Variants in THADA observed in about 807,000 individuals in gnomAD.
THADA encodes tRNA (32-2'-O)-methyltransferase regulator THADA.
THADA carries 213 observed loss-of-function variants against 219.8 expected under a neutral mutation model. The observed-to-expected ratio is 0.97, with a 90% confidence interval of 0.87 to 1.09. The LOEUF is 1.09. Ranked by LOEUF, THADA falls within the 50% of genes least tolerant of loss-of-function variation. THADA has a pLI of 0.00. For synonymous variants in THADA, 1,018 were observed against 828.9 expected, an observed-to-expected ratio of 1.23 and a Z score of -3.92; for missense variants, 2,956 against 2,311.3, an observed-to-expected ratio of 1.28 and a Z score of -5.72.
chr2:43,493,472 C>T (rs1029900580), intron 25 of THADA, among the ~76,000 whole-genome samples: 4 of 152,010 alleles, frequency 2.6e-5, no homozygotes, highest in Non-Finnish European at 4.4e-5. Flanking sequence ...TCCAGCCTGG[C>T]GACAGAGCAA....
In THADA at chr2:43,581,843, T is replaced by C; in HGVS notation, c.619A>G (p.Lys207Glu). The C allele has an allele frequency of 6.2e-7, 1 of 1,612,948 alleles. No homozygotes were observed. The highest frequency in any genetic ancestry group is 8.5e-7 in the Non-Finnish European group (1 of 1,179,642). ...GIRVSMMLVQ[K>E]VQDFQGNLWK... The stretch of plus-strand genomic sequence containing the variant: ...AGATTTCCCTGGAAATCTTGTACTT[T>C]CTGTACTAACATCATTGAAACTCTA... Residue 207 changes from lysine to glutamate, a missense_variant, in exon 8 of 38, where the codon AAA becomes GAA. Coordinates refer to ENST00000405975, the MANE Select transcript of THADA (RefSeq NM_022065.5).
chr2:43,346,238 T>C (rs1667612188), intron 29 of THADA, among the ~76,000 whole-genome samples: 1 of 152,092 alleles, frequency 6.6e-6, no homozygotes, highest in Admixed American at 6.5e-5. Context: ...CAGGTTAGTG[T>C]TTTTGAGATA....
At chr2:43,511,709 T>G (rs1211161345) in intron 22 of THADA, among the ~76,000 whole-genome samples, 1 of 152,140 alleles carries the variant, frequency 6.6e-6, no homozygotes, top group Non-Finnish European at 1.5e-5. Context: ...CACATATCCC[T>G]ATTCATCCAA....
At chr2:43,506,439 T>C (rs1474882398) in intron 23 of THADA, among the ~76,000 whole-genome samples, 1 of 152,196 alleles carries the variant, frequency 6.6e-6, no homozygotes, top group Non-Finnish European at 1.5e-5. Flanking sequence ...GGATGAACTC[T>C]GAAAACATTA....
At chr2:43,521,625 A>C (rs1692500979) in intron 22 of THADA, among the ~76,000 whole-genome samples, 1 of 152,172 alleles carries the variant, frequency 6.6e-6, no homozygotes, top group Non-Finnish European at 1.5e-5. Context: ...CCCCTACTAA[A>C]AGTAACAGAA....
At chr2:43,287,795 C>G (rs900834222) in intron 34 of THADA, among the ~76,000 whole-genome samples, 8 of 152,168 alleles carry the variant, frequency 5.3e-5, no homozygotes, top group African/African-American at 1.7e-4. Flanking sequence ...ACTACATGTC[C>G]CAGTCTCTCT....
At chr2:43,529,903 G>A (rs575102372) in intron 21 of THADA, among the ~76,000 whole-genome samples, 1 of 152,276 alleles carries the variant, frequency 6.6e-6, no homozygotes, top group East Asian at 1.9e-4. Context: ...GATAATACCA[G>A]TATTTAGGAC....
intron 21 of THADA, among the ~76,000 whole-genome samples, chr2:43,540,155 T>C (rs544687070): frequency 6.6e-6 from 1 of 152,214 alleles, no homozygotes; most frequent in Non-Finnish European, 1.5e-5. Flanking sequence ...GATGTTGGCA[T>C]TGGCACTACA....
chr2:43,549,709 T>G (rs1308734354), intron 19 of THADA, among the ~76,000 whole-genome samples: 1 of 151,878 alleles, frequency 6.6e-6, no homozygotes, highest in African/African-American at 2.4e-5. Flanking sequence ...TGCAATAAAC[T>G]TCAATAAATT....
intron 36 of THADA, among the ~76,000 whole-genome samples, chr2:43,236,994 C>G (rs1668103781): frequency 6.7e-6 from 1 of 150,124 alleles, no homozygotes; most frequent in Non-Finnish European, 1.5e-5. Context: ...ATGGCGTGAA[C>G]CCGGGAGGCG....
chr2:43,571,759 A>T lies in THADA; in HGVS notation c.2012T>A (p.Leu671His), dbSNP rs548205845. The change falls in exon 13 of 38, where the codon CTT (leucine) becomes CAT (histidine). Residue 671 changes from leucine (L) to histidine (H), a missense_variant. Leu to His is a moderately conservative substitution (Grantham distance 99, BLOSUM62 -3). Coordinates refer to ENST00000405975, the MANE Select transcript of THADA (RefSeq NM_022065.5). ...CCGCACTCCTGGAGACTGGCTGTTA[A>T]GATTGTATGTAATAAAGAACTGAAT... Reference protein sequence around the residue: ...QWIQFFITYNLNSQSPGVRQQ... With the variant: ...QWIQFFITYNHNSQSPGVRQQ... The T allele has an allele frequency of 8.6e-5, 139 of 1,613,862 alleles. 1 individual carries two copies. In the Middle Eastern group the frequency reaches 9.9e-4, roughly 11 times the overall value.
At chr2:43,407,439 T>C (rs1675701067) in intron 28 of THADA, among the ~76,000 whole-genome samples, 1 of 152,222 alleles carries the variant, frequency 6.6e-6, no homozygotes, top group African/African-American at 2.4e-5. Context: ...TAAATACATA[T>C]TCTTATTCTG....
chr2:43,427,790 A>C (rs1678666017), intron 28 of THADA, among the ~76,000 whole-genome samples: 1 of 149,372 alleles, frequency 6.7e-6, no homozygotes, highest in Non-Finnish European at 1.5e-5. Context: ...CCCCATCTCT[A>C]CTAAAAATAC....
chr2:43,561,786 G>A (rs952745916), intron 15 of THADA, among the ~76,000 whole-genome samples: 1 of 152,002 alleles, frequency 6.6e-6, no homozygotes, highest in Non-Finnish European at 1.5e-5. Context: ...GTACAATGGT[G>A]AACAGCAGTG....
chr2:43,585,327 T>G (rs538866319), intron 7 of THADA, among the ~76,000 whole-genome samples: 1 of 140,332 alleles, frequency 7.1e-6, no homozygotes, highest in African/African-American at 2.7e-5. Context: ...CTGGGCATTA[T>G]AGTGAGACCT....
At chr2:43,338,635 T>C (rs1168950959) in intron 30 of THADA, among the ~76,000 whole-genome samples, 1 of 152,242 alleles carries the variant, frequency 6.6e-6, no homozygotes, top group Admixed American at 6.5e-5. Context: ...GATTGGCTTA[T>C]TTCGCTTAGC....
chr2:43,272,623 CTTTTTTTTTTT>C (rs397871468), intron 36 of THADA, among the ~76,000 whole-genome samples: 1 of 120,304 alleles, frequency 8.3e-6, no homozygotes. Context: ...TGGTTTTGTG[CTTTTTTTTTTT>C]TTTTTTTTGA....
chr2:43,323,060 T>A (rs1678930920), intron 30 of THADA, among the ~76,000 whole-genome samples: 1 of 152,168 alleles, frequency 6.6e-6, no homozygotes, highest in African/African-American at 2.4e-5. Flanking sequence ...TCGGTTCTGA[T>A]CATCACTCCT....
At chr2:43,550,825 C>T (rs77981966) in intron 19 of THADA, among the ~76,000 whole-genome samples, 6,928 of 152,130 alleles carry the variant, frequency 0.046, 205 homozygotes, top group Non-Finnish European at 0.073. Context: ...AAATCTAAAG[C>T]GACAAAATTT....
Sources: gnomAD v4.1 joint callset for allele counts (sites outside exome capture counted in the v4.1 genomes callset) on GRCh38, gnomAD v4.1.1 for gene constraint, MANE v1.5 for transcripts, NCBI Gene and HGNC (gene_info 2026-07-23, HGNC 2026-07-21) for gene names.